PRICKLE1: variants seen among roughly 807,000 people sequenced by gnomAD.
PRICKLE1 encodes prickle planar cell polarity protein 1.
Under a neutral mutation model 70.2 loss-of-function variants are expected in PRICKLE1, and 14 were observed. That is an observed-to-expected ratio of 0.20 (90% CI 0.13 to 0.31). PRICKLE1 has a LOEUF of 0.31. Among genes scored for constraint, PRICKLE1 ranks in the 10% least tolerant of loss-of-function variants. The pLI, the probability that PRICKLE1 is intolerant of heterozygous loss-of-function variation, is 1.00. For missense variants in PRICKLE1, 821 were observed against 1,026.2 expected (o/e 0.80, Z 2.73); for synonymous variants, 357 against 379.9 (o/e 0.94, Z 0.70).
At chr12:42,487,502 C>G (rs1199862337) in intron 1 of PRICKLE1, among the ~76,000 whole-genome samples, 1 of 152,172 alleles carries the variant, frequency 6.6e-6, no homozygotes, top group East Asian at 1.9e-4. Context: ...CTCCAATAAT[C>G]CTAGGCACCC....
chr12:42,473,949 A>G (rs1938421461), intron 1 of PRICKLE1, among the ~76,000 whole-genome samples: 3 of 152,198 alleles, frequency 2.0e-5, no homozygotes, highest in Non-Finnish European at 4.4e-5. Flanking sequence ...AACTCTAAAT[A>G]CTGAGTGTTG....
intron 1 of PRICKLE1, among the ~76,000 whole-genome samples, chr12:42,487,663 G>A (rs1439737201): frequency 6.6e-6 from 1 of 152,154 alleles, no homozygotes; most frequent in Non-Finnish European, 1.5e-5. Flanking sequence ...CTAAGGTGTT[G>A]TGTTTTTCAT....
Position 42,459,408 on chromosome 12 carries a change from A to T in PRICKLE1, c.*401T>A. On this transcript the variant is annotated 3_prime_UTR_variant, in exon 8 of 8. Coordinates refer to ENST00000345127, the MANE Select transcript of PRICKLE1 (RefSeq NM_153026.3). ...TGCCTCACACCAAGACGGACTATCA[A>T]GACCTGAGCCGACCTGACTTACATA... 1 of 700,726 alleles carries T rather than the reference A, an allele frequency of 1.4e-6. No individual in the cohort carries two copies. The highest frequency in any genetic ancestry group is 2.6e-6 in the Non-Finnish European group (1 of 384,392). The allele number at this position is 700,726 out of a possible 1,614,324, so 43.4% of individuals were successfully genotyped here. A position where few individuals can be genotyped will look rare whatever the true frequency, so the allele number is the denominator to read the frequency against.
intron 1 of PRICKLE1, among the ~76,000 whole-genome samples, chr12:42,498,914 G>A (rs1349335897): frequency 6.6e-6 from 1 of 152,180 alleles, no homozygotes; most frequent in Non-Finnish European, 1.5e-5. Context: ...AGCCCCATCA[G>A]ACCAAGGGCT....
intron 1 of PRICKLE1, among the ~76,000 whole-genome samples, chr12:42,497,390 A>C (rs1939224261): frequency 6.6e-6 from 1 of 151,002 alleles, no homozygotes; most frequent in African/African-American, 2.4e-5. Context: ...CTAAAAATAC[A>C]AAAACAAAAT....
At chr12:42,514,505 C>T (rs1026349411) in intron 1 of PRICKLE1, among the ~76,000 whole-genome samples, 1 of 152,044 alleles carries the variant, frequency 6.6e-6, no homozygotes, top group African/African-American at 2.4e-5. Context: ...AATGATTTCA[C>T]TAATGCATGC....
At chr12:42,580,057 T>G (rs376949555) in intron 1 of PRICKLE1, among the ~76,000 whole-genome samples, 2 of 152,106 alleles carry the variant, frequency 1.3e-5, no homozygotes, top group South Asian at 4.2e-4. Context: ...TTTTTTTTAG[T>G]AGAGGCAGGG....
At chr12:42,487,400 C>T (rs1259601014) in intron 1 of PRICKLE1, among the ~76,000 whole-genome samples, 1 of 152,196 alleles carries the variant, frequency 6.6e-6, no homozygotes, top group Non-Finnish European at 1.5e-5. Context: ...TCTCCAATTA[C>T]TCTTTCCCCT....
chr12:42,520,210 T>C (rs891607001), intron 1 of PRICKLE1, among the ~76,000 whole-genome samples: 1 of 152,210 alleles, frequency 6.6e-6, no homozygotes, highest in Non-Finnish European at 1.5e-5. Context: ...TGTGGGATAG[T>C]TATATGTAAT....
chr12:42,581,210 T>G (rs1940893106), intron 1 of PRICKLE1, among the ~76,000 whole-genome samples: 1 of 152,186 alleles, frequency 6.6e-6, no homozygotes, highest in Admixed American at 6.5e-5. Flanking sequence ...TAATATACAC[T>G]GATCTAGTCT....
intron 1 of PRICKLE1, among the ~76,000 whole-genome samples, chr12:42,579,002 A>G (rs1180240310): frequency 6.6e-6 from 1 of 152,158 alleles, no homozygotes; most frequent in South Asian, 2.1e-4. Context: ...ACCTCAGGTG[A>G]TCTGCCCACT....
At position 42,509,546 on chromosome 12, in the gene PRICKLE1, T is replaced by C. The variant is rs148060420; in HGVS notation, c.-48-36982A>G. Among the ~76,000 whole-genome samples, 76 of 152,190 alleles carry C rather than the reference T, an allele frequency of 5.0e-4. No homozygotes were observed. In the East Asian group the frequency reaches 0.011, roughly 22 times the overall value. On this transcript the variant is annotated intron_variant, in intron 1 of 7. Coordinates refer to ENST00000345127, the MANE Select transcript of PRICKLE1 (RefSeq NM_153026.3). ...TGGTCTCTGCTGGGTGGGACGACTT[T>C]GGAGGATGGAGAACCAGAGCACCAT...
At chr12:42,480,560 G>A (rs891832327) in intron 1 of PRICKLE1, among the ~76,000 whole-genome samples, 1 of 152,166 alleles carries the variant, frequency 6.6e-6, no homozygotes, top group Admixed American at 6.5e-5. Context: ...TTATTATTTC[G>A]TTATGCTATT....
chr12:42,497,845 C>CTGG (rs1322532277), intron 1 of PRICKLE1, among the ~76,000 whole-genome samples: 1 of 150,402 alleles, frequency 6.6e-6, no homozygotes, highest in African/African-American at 2.4e-5. Context: ...ACGAAGCATG[C>CTGG]TGGTATCTTT....
rs143301969 is a variant in PRICKLE1 at position 42,519,623 on chromosome 12, G to A, written c.-48-47059C>T. 3.3e-5 allele frequency among the ~76,000 whole-genome samples: 5 copies of A among 152,316 alleles called. No individual in the cohort carries two copies. The East Asian group carries it at 9.6e-4, about 29-fold the overall frequency. ...CTTGGAGACTGAATATTAATAAATG[G>A]TTAGTAAAATGGCCTATTCTTTTGG... On this transcript the variant is annotated intron_variant, in intron 1 of 7. Coordinates refer to ENST00000345127, the MANE Select transcript of PRICKLE1 (RefSeq NM_153026.3).
At chr12:42,483,896 G>A (rs140455644) in intron 1 of PRICKLE1, 1 of 151,298 alleles carries the variant, frequency 6.6e-6, no homozygotes, top group East Asian at 2.0e-4. Context: ...CATCCCCCAA[G>A]CCCCAGCTCC....
chr12:42,506,567 CTTTTTTTTTTTTTTTTT>C (rs139103281), intron 1 of PRICKLE1, among the ~76,000 whole-genome samples: 7 of 64,608 alleles, frequency 1.1e-4, no homozygotes, highest in East Asian at 6.1e-4. Context: ...CAATAGTGTT[CTTTTTTTTTTTTTTTTT>C]TTTTTTTTTT....
chr12:42,522,962 ATT>A (rs3083872), intron 1 of PRICKLE1, among the ~76,000 whole-genome samples: 52,437 of 139,290 alleles, frequency 0.38, 9,698 homozygotes, highest in East Asian at 0.58. Flanking sequence ...ATTCTAACAT[ATT>A]TTTTTTTTTT....
At chr12:42,566,816 T>C (rs1336259852) in intron 1 of PRICKLE1, among the ~76,000 whole-genome samples, 1 of 152,168 alleles carries the variant, frequency 6.6e-6, no homozygotes, top group Non-Finnish European at 1.5e-5. Context: ...GGGTCTGGTG[T>C]CCTAAACTTG....
Sources: gnomAD v4.1 joint callset for allele counts (sites outside exome capture counted in the v4.1 genomes callset) on GRCh38, gnomAD v4.1.1 for gene constraint, MANE v1.5 for transcripts, NCBI Gene and HGNC (gene_info 2026-07-23, HGNC 2026-07-21) for gene names.